CADPS: variants seen among roughly 807,000 people sequenced by gnomAD.
CADPS encodes the protein calcium-dependent secretion activator 1.
In CADPS, 57 loss-of-function variants were observed where a neutral mutation model predicts 167.3. The observed-to-expected ratio is 0.34, with a 90% CI of 0.28 to 0.42. CADPS has a LOEUF of 0.42. CADPS is among the 20% of genes least tolerant of loss of function. CADPS has a pLI of 1.00. For synonymous variants in CADPS, 676 were observed against 635.3 expected (o/e 1.06, Z -0.96); for missense variants, 1,414 against 1,738.1 (o/e 0.81, Z 3.32).
intron 1 of CADPS, among the ~76,000 whole-genome samples, chr3:62,782,275 G>A (rs1406991722): frequency 1.3e-5 from 2 of 152,146 alleles, no homozygotes; most frequent in African/African-American, 2.4e-5. Context: ...AATTTCAGAA[G>A]GCCTAATTCA....
intron 24 of CADPS, among the ~76,000 whole-genome samples, chr3:62,472,462 A>G (rs78298888): frequency 0.056 from 8,589 of 152,248 alleles, 388 homozygotes; most frequent in East Asian, 0.23. Context: ...GAGATCACCA[A>G]AAACAGGGCC....
intron 14 of CADPS, among the ~76,000 whole-genome samples, 199 bp downstream of exon 14, chr3:62,517,950 G>A (rs576373565): frequency 3.3e-5 from 5 of 152,236 alleles, no homozygotes; most frequent in African/African-American, 1.2e-4. Flanking sequence ...TTCTTTAAGT[G>A]GAAATAACAT....
chr3:62,857,607 G>A (rs1322919456), intron 1 of CADPS, among the ~76,000 whole-genome samples: 4 of 151,882 alleles, frequency 2.6e-5, no homozygotes, highest in Non-Finnish European at 4.4e-5. Context: ...GTGCAAAAAA[G>A]TAGGTTGCAA....
intron 2 of CADPS, among the ~76,000 whole-genome samples, chr3:62,757,935 A>G (rs1379758916): frequency 1.3e-5 from 2 of 152,208 alleles, no homozygotes; most frequent in African/African-American, 4.8e-5. Context: ...CTATCAAGAG[A>G]ACAGCATGGG....
At chr3:62,838,658 T>C (rs772648526) in intron 1 of CADPS, among the ~76,000 whole-genome samples, 3 of 152,146 alleles carry the variant, frequency 2.0e-5, no homozygotes, top group Non-Finnish European at 4.4e-5. Context: ...CTGGAAAAAA[T>C]AGTAAAACGT....
intron 1 of CADPS, among the ~76,000 whole-genome samples, chr3:62,820,020 T>C (rs533700335): frequency 3.9e-3 from 289 of 74,064 alleles, no homozygotes; most frequent in African/African-American, 0.011. Context: ...CTCACACATA[T>C]GCATGTGTGC....
At chr3:62,678,275 C>T (rs897397352) in intron 3 of CADPS, among the ~76,000 whole-genome samples, 2 of 152,028 alleles carry the variant, frequency 1.3e-5, no homozygotes, top group African/African-American at 4.8e-5. Context: ...GAAATAGGCA[C>T]AATGAGGAGG....
intron 1 of CADPS, among the ~76,000 whole-genome samples, chr3:62,777,248 TA>T (rs377411435): frequency 0.019 from 2,869 of 152,256 alleles, 39 homozygotes; most frequent in East Asian, 0.069. Flanking sequence ...ATGTACAGGT[TA>T]TATGTGACGC....
chr3:62,485,560 A>G (rs981199765), intron 21 of CADPS, among the ~76,000 whole-genome samples: 2 of 142,026 alleles, frequency 1.4e-5, no homozygotes, highest in Admixed American at 1.4e-4. Flanking sequence ...GATAATTTTG[A>G]CATTTCATAA....
intron 3 of CADPS, among the ~76,000 whole-genome samples, chr3:62,749,871 A>C (rs1026804742): frequency 6.6e-6 from 1 of 152,206 alleles, no homozygotes; most frequent in South Asian, 2.1e-4. Context: ...TCAGTGCGTC[A>C]GGGCACTGTC....
chr3:62,598,478 T>C (rs555124652), intron 6 of CADPS, among the ~76,000 whole-genome samples: 1 of 152,372 alleles, frequency 6.6e-6, no homozygotes, highest in African/African-American at 2.4e-5. Flanking sequence ...AAATATTCAT[T>C]CTTTGTCCTT....
intron 6 of CADPS, among the ~76,000 whole-genome samples, chr3:62,596,387 G>A (rs764972418): frequency 3.3e-5 from 5 of 151,734 alleles, no homozygotes; most frequent in African/African-American, 7.3e-5. Context: ...TAGTAGAGAC[G>A]GGGTTTCACC....
At chr3:62,823,917 C>T (rs2073498863) in intron 1 of CADPS, among the ~76,000 whole-genome samples, 2 of 152,134 alleles carry the variant, frequency 1.3e-5, no homozygotes, top group African/African-American at 2.4e-5. Context: ...AGTTGCATGA[C>T]AGCCTAAGTT....
At chr3:62,803,177 G>T (rs2093878766) in intron 1 of CADPS, among the ~76,000 whole-genome samples, 2 of 152,148 alleles carry the variant, frequency 1.3e-5, no homozygotes, top group African/African-American at 4.8e-5. Flanking sequence ...TTTACTGAGT[G>T]GGTAGATCCA....
chr3:62,604,823 CTGAG>C (rs2060468554), intron 6 of CADPS, among the ~76,000 whole-genome samples: 2 of 152,188 alleles, frequency 1.3e-5, no homozygotes, highest in South Asian at 2.1e-4. Flanking sequence ...TTCTTAGTTC[CTGAG>C]TATCTTTAGA....
chr3:62,849,413 T>C (rs1282157004), intron 1 of CADPS, among the ~76,000 whole-genome samples: 2 of 119,800 alleles, frequency 1.7e-5, no homozygotes, highest in African/African-American at 6.4e-5. Context: ...GGCTGTGGGT[T>C]TGTCATAGAT....
At chr3:62,403,429 C>T (rs1707156122) in intron 28 of CADPS, 3 of 296,370 alleles carry the variant, frequency 1.0e-5, no homozygotes, top group East Asian at 1.2e-4. Flanking sequence ...TAATTGAACT[C>T]TTCCACGACA....
chr3:62,580,402 C>T (rs2083184684), intron 8 of CADPS, among the ~76,000 whole-genome samples: 1 of 151,778 alleles, frequency 6.6e-6, no homozygotes, highest in Non-Finnish European at 1.5e-5. Context: ...CACATGGACA[C>T]AGGAAAGGGA....
At chr3:62,428,639 T>C (rs1352315819) in intron 28 of CADPS, among the ~76,000 whole-genome samples, 3 of 152,214 alleles carry the variant, frequency 2.0e-5, no homozygotes, top group Admixed American at 2.0e-4. Flanking sequence ...TCGACTTTGT[T>C]GTTGCTACAT....
Sources: gnomAD v4.1 joint callset for allele counts (sites outside exome capture counted in the v4.1 genomes callset) on GRCh38, gnomAD v4.1.1 for gene constraint, MANE v1.5 for transcripts, NCBI Gene and HGNC (gene_info 2026-07-23, HGNC 2026-07-21) for gene names.